Variants in TBCD observed in about 807,000 individuals in gnomAD.
TBCD encodes the protein tubulin folding cofactor D.
Under a neutral mutation model 169.3 loss-of-function variants are expected in TBCD, and 105 were observed. The observed-to-expected ratio is 0.62, with a 90% confidence interval of 0.53 to 0.73. The LOEUF (loss-of-function observed/expected upper bound fraction) is 0.73, where lower values mean the gene tolerates loss of function less well. TBCD is among the 30% of genes least tolerant of loss of function. The pLI is 0.00. For missense variants in TBCD, 1,444 were observed against 1,600.1 expected (o/e 0.90, Z 1.66); for synonymous variants, 700 against 643.9 (o/e 1.09, Z -1.32).
At chr17:82,916,887 C>A (rs1300069613) in intron 23 of TBCD, among the ~76,000 whole-genome samples, 2 of 152,188 alleles carry the variant, frequency 1.3e-5, no homozygotes, top group Non-Finnish European at 2.9e-5. Context: ...ACATTGCTCA[C>A]TGGCCTCTCC....
chr17:82,865,383 T>C (rs1018980564), intron 13 of TBCD: 1 of 843,088 alleles, frequency 1.2e-6, no homozygotes. Context: ...TCCCTCCACA[T>C]CCACCCCATC....
chr17:82,803,039 C>A (rs1271156989), intron 9 of TBCD, among the ~76,000 whole-genome samples: 1 of 152,218 alleles, frequency 6.6e-6, no homozygotes, highest in Non-Finnish European at 1.5e-5. Context: ...GTATTTCTAA[C>A]TTTTTTCCAT....
intron 6 of TBCD, among the ~76,000 whole-genome samples, chr17:82,779,050 T>C (rs1598448765): frequency 6.6e-6 from 1 of 151,770 alleles, no homozygotes; most frequent in East Asian, 1.9e-4. Context: ...TCTTGCTCTG[T>C]TGCTAGGCTG....
In TBCD at chr17:82,805,920, C is replaced by T; in HGVS notation, c.996C>T (p.Leu332=). 1 of 1,612,892 alleles carries T rather than the reference C, an allele frequency of 6.2e-7. No individual in the cohort carries two copies. The change falls in exon 10 of 39, where the codon CTC becomes CTT. Residue 332 remains leucine (L), a synonymous_variant. Transcript: ENST00000355528. ...CRSLAANLQL[L]TQGQSEQKPL... ...CTTTGGCTGCAAATCTGCAGCTCCT[C>T]ACTCAGGGTCAGAGTGAGCAGAAGC...
At chr17:82,933,271 G>GCC (rs1307513773) in intron 34 of TBCD, among the ~76,000 whole-genome samples, 2 of 81,606 alleles carry the variant, frequency 2.5e-5, no homozygotes, top group Non-Finnish European at 2.6e-5. Context: ...TGTTGGGCCA[G>GCC]TCTTTTTTTT....
chr17:82,896,623 G>A (rs528959064), intron 17 of TBCD, among the ~76,000 whole-genome samples: 7 of 151,982 alleles, frequency 4.6e-5, no homozygotes, highest in African/African-American at 1.7e-4. Context: ...ACGCCACCAC[G>A]CCCGGCTAAT....
chr17:82,771,142 G>A (rs979357573), intron 5 of TBCD, among the ~76,000 whole-genome samples: 15 of 150,482 alleles, frequency 1.0e-4, no homozygotes, highest in South Asian at 8.4e-4. Context: ...AAAAAAAACC[G>A]AGACAAGCAT....
chr17:82,800,408 C>T (rs1261248936), intron 8 of TBCD, among the ~76,000 whole-genome samples: 1 of 152,170 alleles, frequency 6.6e-6, no homozygotes, highest in Non-Finnish European at 1.5e-5. Context: ...GCCACAGGAA[C>T]CCCGTGGCCT....
At chr17:82,754,114 A>G in intron 1 of TBCD, among the ~76,000 whole-genome samples, 1 of 151,162 alleles carries the variant, frequency 6.6e-6, no homozygotes, top group Non-Finnish European at 1.5e-5. Flanking sequence ...TGACCTCGTG[A>G]TCCACCCGCC....
At chr17:82,797,608 T>C (rs2050192868) in intron 7 of TBCD, 149 bp from the exon 8 acceptor site, 2 of 630,190 alleles carry the variant, frequency 3.2e-6, no homozygotes, top group African/African-American at 3.7e-5. Context: ...TACTTTATCA[T>C]GTACAGAAAC....
At chr17:82,934,996 G>A (rs1034043224) in intron 34 of TBCD, among the ~76,000 whole-genome samples, 1 of 152,094 alleles carries the variant, frequency 6.6e-6, no homozygotes, top group Non-Finnish European at 1.5e-5. Flanking sequence ...CCTGGGAGGC[G>A]AAGGTTGCCG....
At chr17:82,905,767 C>T (rs1221435611) in intron 19 of TBCD, among the ~76,000 whole-genome samples, 169 bp from the exon 20 acceptor site, 47 of 135,628 alleles carry the variant, frequency 3.5e-4, no homozygotes, top group Non-Finnish European at 6.0e-4. Context: ...GTGTGCACGC[C>T]GTCGCCTGCC....
chr17:82,790,019 C>CT (rs112386891), intron 7 of TBCD, among the ~76,000 whole-genome samples: 15,906 of 152,206 alleles, frequency 0.1, 2,264 homozygotes, highest in African/African-American at 0.32. Context: ...GACATGTCTC[C>CT]TTCCTGGTTC....
At chr17:82,866,224 C>T (rs976661764) in intron 13 of TBCD, among the ~76,000 whole-genome samples, 1 of 152,132 alleles carries the variant, frequency 6.6e-6, no homozygotes, top group African/African-American at 2.4e-5. Context: ...TTCAGGGTCC[C>T]GAGATGTCAG....
Position 82,905,936 on chromosome 17 carries a change from T to C in TBCD, c.1805T>C (p.Val602Ala). The change falls in exon 20 of 39, where the codon GTC becomes GCC. Residue 602 changes from valine to alanine, a missense_variant and splice_region_variant. Coordinates refer to ENST00000355528, the MANE Select transcript of TBCD (RefSeq NM_005993.5). ...GCCCTCTCGGCCCTGTCTCTTGCAG[T>C]CTTCCCGAGGCTGCTGTCCATGACA... Reference protein sequence around the residue: ...QQAPEFSATQVFPRLLSMTLS... With the variant: ...QQAPEFSATQAFPRLLSMTLS... 3 of 1,609,756 alleles carry C rather than the reference T, an allele frequency of 1.9e-6. No individual in the cohort carries two copies. Among genetic ancestry groups the C allele is most frequent in the Non-Finnish European group, 2.5e-6 (3 of 1,177,718 alleles).
At chr17:82,809,946 C>A (rs1049245632) in intron 12 of TBCD, among the ~76,000 whole-genome samples, 164 bp downstream of exon 12, 1 of 152,264 alleles carries the variant, frequency 6.6e-6, no homozygotes, top group African/African-American at 2.4e-5. Context: ...CTTGTTATTT[C>A]TGGTATGTTG....
Position 82,929,343 on chromosome 17 carries a change from C to G in TBCD, c.2853-19C>G. The G allele has an allele frequency of 6.2e-7, 1 of 1,610,674 alleles. No individual in the cohort carries two copies. The highest frequency in any genetic ancestry group is 1.7e-5 in the Admixed American group (1 of 59,982). Reference sequence around the variant, plus strand: ...GAGATCATTGGCAGCCCGGCCTTGTCTCACTCACTCTCTTGCAGGTCCGAT... The same window carrying G: ...GAGATCATTGGCAGCCCGGCCTTGTGTCACTCACTCTCTTGCAGGTCCGAT... On this transcript the variant is annotated intron_variant, in intron 31 of 38. Transcript: ENST00000355528.
chr17:82,819,877 C>T (rs1255716032), intron 13 of TBCD, among the ~76,000 whole-genome samples: 1 of 152,144 alleles, frequency 6.6e-6, no homozygotes, highest in Non-Finnish European at 1.5e-5. Context: ...GGGCACTCCT[C>T]ACCATGAGTA....
At chr17:82,921,101 C>CT (rs3214867) in intron 24 of TBCD, 111 of 252,926 alleles carry the variant, frequency 4.4e-4, no homozygotes, top group Middle Eastern at 2.8e-3. Flanking sequence ...GAAGTTAGGA[C>CT]TTTTTTTTTG....
Sources: allele counts gnomAD v4.1 joint callset (sites outside exome capture counted in the v4.1 genomes callset), GRCh38; gene constraint gnomAD v4.1.1; transcripts MANE v1.5; gene names NCBI Gene and HGNC (gene_info 2026-07-23, HGNC 2026-07-21).